The following ARHGAP35 variants were observed in gnomAD, a reference collection of about 807,000 sequenced individuals.
The protein encoded by ARHGAP35 is Rho GTPase activating protein 35, also known as rho GTPase-activating protein 35.
ARHGAP35 carries 15 observed loss-of-function variants against 111.1 expected under a neutral mutation model. The observed-to-expected ratio is 0.13, with a 90% confidence interval of 0.09 to 0.21. The LOEUF is 0.21. Ranked by LOEUF, ARHGAP35 falls within the 10% of genes least tolerant of loss-of-function variation. The probability of loss-of-function intolerance (pLI) is 1.00; values close to 1 mark genes in which losing one functional copy is unlikely to be tolerated. For missense variants in ARHGAP35, 1,262 were observed against 1,873.0 expected (o/e 0.67, Z 6.02); for synonymous variants, 643 against 710.3 (o/e 0.91, Z 1.51).
chr19:46,944,819 G>C (rs2056369211), intron 3 of ARHGAP35, among the ~76,000 whole-genome samples: 1 of 152,142 alleles, frequency 6.6e-6, no homozygotes, highest in Admixed American at 6.5e-5. Flanking sequence ...GCTGTGTTGA[G>C]ACTCCTCCCC....
In ARHGAP35 at chr19:46,922,714, T is replaced by C. The variant is rs1327380895; in HGVS notation, c.3681+358T>C. ...CAGAACTCAAAACTGCTTGCCGCAG[T>C]CTCTCACTGCTAAACATAACATTTC... On this transcript the variant is annotated intron_variant, in intron 2 of 6. Coordinates refer to ENST00000672722, the MANE Select transcript of ARHGAP35 (RefSeq NM_004491.5). This position sits in a 1 kb window ranked among gnomAD's most constrained non-coding sequence, Gnocchi z 4.0. Among the ~76,000 whole-genome samples the C allele has an allele frequency of 1.3e-5, 2 of 152,206 alleles. No individual in the cohort carries two copies. Among genetic ancestry groups the C allele is most frequent in the African/African-American group, 2.4e-5 (1 of 41,450 alleles).
intron 3 of ARHGAP35, among the ~76,000 whole-genome samples, chr19:46,959,000 C>T (rs544899203): frequency 1.3e-5 from 2 of 151,590 alleles, no homozygotes; most frequent in South Asian, 4.2e-4. Flanking sequence ...AGGGTAAAAT[C>T]TTTATTCTGC....
chr19:46,960,599 G>T (rs903744718), intron 3 of ARHGAP35, among the ~76,000 whole-genome samples: 5 of 152,226 alleles, frequency 3.3e-5, no homozygotes, highest in African/African-American at 1.2e-4. Context: ...CAATGAACAC[G>T]TATTTTGTTA....
Position 46,994,287 on chromosome 19 carries a change from T to G in ARHGAP35, c.4036+4612T>G, listed in dbSNP as rs2056695054. ...GGCCGGGCGGGCTACCTATTGAAGC[T>G]GGGGGTCCCTGTACAGCAGGGCTCC... On this transcript the variant is annotated intron_variant, in intron 5 of 6. Coordinates refer to ENST00000672722, the MANE Select transcript of ARHGAP35 (RefSeq NM_004491.5). This position sits in a 1 kb window ranked among gnomAD's most constrained non-coding sequence, Gnocchi z 5.4. Among the ~76,000 whole-genome samples, 1 of 152,146 alleles carries G rather than the reference T, an allele frequency of 6.6e-6. No individual in the cohort carries two copies. The highest frequency in any genetic ancestry group is 2.4e-5 in the African/African-American group (1 of 41,444).
chr19:47,001,463 C>T lies in ARHGAP35; in HGVS notation c.*775C>T, dbSNP rs898557736. The T allele has an allele frequency of 7.5e-6, 9 of 1,193,390 alleles. No individual in the cohort carries two copies. Among genetic ancestry groups the T allele is most frequent in the East Asian group, 5.7e-5 (1 of 17,498 alleles). 73.9% of individuals were successfully genotyped at this position (1,193,390 alleles called of 1,614,324 possible). On this transcript the variant is annotated 3_prime_UTR_variant, in exon 7 of 7. Transcript: ENST00000672722. This position sits in a 1 kb window ranked among gnomAD's most constrained non-coding sequence, Gnocchi z 5.4. ...AGACCTCAAGATTCCACTCTGTGCC[C>T]GCCTCTGCCGGGAGGGAGGGAGGCA...
rs147150571 is a variant in ARHGAP35, at chr19:46,862,999, C to G, written c.-189+1790C>G. ...AGTGCTGTGATAGATTATCACTCCC[C>G]TTTGATATCCCTCTCCCAATTCTGT... is the stretch of plus-strand genomic sequence containing the variant. On this transcript the variant is annotated intron_variant, in intron 1 of 6. Transcript: ENST00000672722. 6.0e-3 allele frequency among the ~76,000 whole-genome samples: 917 copies of G among 152,022 alleles called. 5 individuals carry two copies. Among genetic ancestry groups the G allele is most frequent in the Middle Eastern group, 0.021 (6 of 288 alleles).
chr19:46,910,797 C>T (rs569455451), intron 1 of ARHGAP35, among the ~76,000 whole-genome samples: 1 of 151,934 alleles, frequency 6.6e-6, no homozygotes, highest in African/African-American at 2.4e-5. Context: ...TACCATGTTA[C>T]CCAGGCTGGT....
Position 46,989,392 on chromosome 19 carries a change from G to A in ARHGAP35, c.3905-152G>A. 1 of 973,034 alleles carries A rather than the reference G, an allele frequency of 1.0e-6. No homozygotes were observed. Among genetic ancestry groups the A allele is most frequent in the Non-Finnish European group, 1.5e-6 (1 of 672,158 alleles). 60.3% of individuals were successfully genotyped at this position (973,034 alleles called of 1,614,324 possible). A position where few individuals can be genotyped will look rare whatever the true frequency, so the allele number is the denominator to read the frequency against. ...TGCCTGAACCTCAGAACTCGCGTTA[G>A]CGCTCACAAGTCCCACCCCTCCAAT... On this transcript the variant is annotated intron_variant, in intron 4 of 6. Transcript: ENST00000672722. This position sits in a 1 kb window ranked among gnomAD's most constrained non-coding sequence, Gnocchi z 5.3.
Position 46,989,641 on chromosome 19 carries a change from G to A in ARHGAP35, c.4002G>A (p.Pro1334=), listed in dbSNP as rs548207270. 1.7e-5 allele frequency: 27 copies of A among 1,613,792 alleles called. No homozygotes were observed. The highest frequency in any genetic ancestry group is 4.5e-5 in the East Asian group (2 of 44,890). Residue 1334 remains proline, a synonymous_variant, in exon 5 of 7, where the codon CCG becomes CCA. Transcript: ENST00000672722. This position sits in a 1 kb window ranked among gnomAD's most constrained non-coding sequence, Gnocchi z 5.3. ...CAGAACTGCCTGACCCCCTGGTCCCGTATAACATGCAGATCGACTTGGTGG... is the reference window on the plus strand; with the variant it reads ...CAGAACTGCCTGACCCCCTGGTCCCATATAACATGCAGATCGACTTGGTGG... ...FFSELPDPLV[P]YNMQIDLVEA... is the part of the protein sequence containing the mutation.
chr19:46,934,773 G>A (rs533358892), intron 2 of ARHGAP35, among the ~76,000 whole-genome samples: 10 of 152,114 alleles, frequency 6.6e-5, no homozygotes, highest in Non-Finnish European at 1.2e-4. Flanking sequence ...GGGCTCAGGC[G>A]ATCCTCCCAC....
rs2056695273 is a variant in ARHGAP35, at chr19:46,994,327, G to A, written c.4036+4652G>A. On this transcript the variant is annotated intron_variant, in intron 5 of 6. Transcript: ENST00000672722. The surrounding 1 kb of genome is among the most constrained non-coding windows in gnomAD (Gnocchi z 5.4). ...AGCAGGGCTCCACTGAAGATGGTGA[G>A]TGGCTGCCCTGAGTGTGCCGCTGCC... Among the ~76,000 whole-genome samples the A allele has an allele frequency of 6.6e-6, 1 of 152,204 alleles. No homozygotes were observed. The highest frequency in any genetic ancestry group is 2.4e-5 in the African/African-American group (1 of 41,464).
At position 47,000,766 on chromosome 19, in the gene ARHGAP35, C is replaced by G; in HGVS notation, c.*78C>G. On this transcript the variant is annotated 3_prime_UTR_variant, in exon 7 of 7. Transcript: ENST00000672722. This position sits in a 1 kb window ranked among gnomAD's most constrained non-coding sequence, Gnocchi z 6.9. ...CATTTGGCCTTGAACAAAACCAAGT[C>G]CACTGGGGACAGAGGCAGGGGCAAG... The G allele has an allele frequency of 6.5e-7, 1 of 1,532,408 alleles. No individual in the cohort carries two copies. The highest frequency in any genetic ancestry group is 8.8e-7 in the Non-Finnish European group (1 of 1,137,170). 94.9% of individuals were successfully genotyped at this position (1,532,408 alleles called of 1,614,324 possible). A position where few individuals can be genotyped will look rare whatever the true frequency, so the allele number is the denominator to read the frequency against.
At chr19:46,943,879 C>A (rs372085080) in intron 3 of ARHGAP35, among the ~76,000 whole-genome samples, 3 of 152,282 alleles carry the variant, frequency 2.0e-5, no homozygotes, top group African/African-American at 7.2e-5. Context: ...AGCCAGGGCA[C>A]GGCCAGCGGG....
intron 2 of ARHGAP35, among the ~76,000 whole-genome samples, chr19:46,923,361 G>A (rs888146468): frequency 6.6e-6 from 1 of 151,908 alleles, no homozygotes; most frequent in Non-Finnish European, 1.5e-5. Flanking sequence ...TGATCCGCCC[G>A]CCTTGGTCTC....
At chr19:46,914,287 G>T (rs2056152953) in intron 1 of ARHGAP35, among the ~76,000 whole-genome samples, 1 of 152,108 alleles carries the variant, frequency 6.6e-6, no homozygotes, top group African/African-American at 2.4e-5. Context: ...CTATTTTAAT[G>T]ATCAGCAGCA....
At chr19:46,936,730 G>T (rs2056309766) in intron 2 of ARHGAP35, among the ~76,000 whole-genome samples, 1 of 151,970 alleles carries the variant, frequency 6.6e-6, no homozygotes, top group Non-Finnish European at 1.5e-5. Flanking sequence ...TAATAATGTG[G>T]TCTCATACTC....
intron 3 of ARHGAP35, among the ~76,000 whole-genome samples, chr19:46,979,928 C>A (rs980152129): frequency 3.9e-5 from 6 of 152,088 alleles, no homozygotes; most frequent in Non-Finnish European, 8.8e-5. Context: ...CAGAAAACCA[C>A]CCAGGCACCT....
intron 1 of ARHGAP35, among the ~76,000 whole-genome samples, chr19:46,889,036 G>A (rs1416853189): frequency 6.6e-6 from 1 of 151,208 alleles, no homozygotes; most frequent in African/African-American, 2.4e-5. Context: ...CCCTGTTCTT[G>A]GACTGGGCAT....
intron 1 of ARHGAP35, among the ~76,000 whole-genome samples, chr19:46,896,382 T>C (rs1051179940): frequency 6.6e-6 from 1 of 152,222 alleles, no homozygotes; most frequent in African/African-American, 2.4e-5. Context: ...AGTCCCTGTC[T>C]CAAATAAAAG....
Sources: allele counts gnomAD v4.1 joint callset (sites outside exome capture counted in the v4.1 genomes callset), GRCh38; gene constraint gnomAD v4.1.1; non-coding constraint Gnocchi (gnomAD v3.1); transcripts MANE v1.5; gene names NCBI Gene and HGNC (gene_info 2026-07-23, HGNC 2026-07-21).